Variants in SMOC2 observed in about 807,000 individuals in gnomAD.
SMOC2 encodes the protein SPARC related modular calcium binding 2.
Under a neutral mutation model 61.4 loss-of-function variants are expected in SMOC2, and 39 were observed. The ratio of observed to expected loss-of-function variants is 0.64; its 90% CI spans 0.49 to 0.83. SMOC2 has a LOEUF of 0.83. Among genes scored for constraint, SMOC2 ranks in the 40% least tolerant of loss-of-function variants. The pLI is 0.00. For synonymous variants in SMOC2, 247 were observed against 239.9 expected, an observed-to-expected ratio of 1.03 and a Z score of -0.27; for missense variants, 556 against 592.9, an observed-to-expected ratio of 0.94 and a Z score of 0.65.
intron 8 of SMOC2, among the ~76,000 whole-genome samples, chr6:168,607,905 A>G (rs1000416103): frequency 1.1e-5 from 1 of 91,390 alleles, no homozygotes; most frequent in Non-Finnish European, 2.3e-5. Flanking sequence ...CAGAGACGGG[A>G]TGGAGAGACG....
At chr6:168,530,921 C>T (rs1417926451) in intron 4 of SMOC2, among the ~76,000 whole-genome samples, 1 of 152,256 alleles carries the variant, frequency 6.6e-6, no homozygotes, top group East Asian at 1.9e-4. Context: ...TGTCCATTGG[C>T]GTCTGCCTGG....
At chr6:168,660,542 G>A (rs192851685) in intron 11 of SMOC2, among the ~76,000 whole-genome samples, 121 of 152,350 alleles carry the variant, frequency 7.9e-4, no homozygotes, top group African/African-American at 2.8e-3. Flanking sequence ...CTACAGAATC[G>A]CGATGGCTTA....
chr6:168,542,158 A>G (rs528549774), intron 4 of SMOC2, among the ~76,000 whole-genome samples: 3 of 152,328 alleles, frequency 2.0e-5, no homozygotes, highest in African/African-American at 7.2e-5. Flanking sequence ...TAAACTGATG[A>G]CTGAGAAGCT....
chr6:168,522,948 A>G (rs142708816), intron 2 of SMOC2, among the ~76,000 whole-genome samples: 9 of 152,228 alleles, frequency 5.9e-5, no homozygotes, highest in Non-Finnish European at 1.2e-4. Context: ...TCTTTTGGGA[A>G]TGAGGAGAAT....
chr6:168,462,042 T>G (rs1781730564), intron 1 of SMOC2, among the ~76,000 whole-genome samples: 1 of 148,572 alleles, frequency 6.7e-6, no homozygotes, highest in Non-Finnish European at 1.5e-5. Flanking sequence ...TATTTATCAG[T>G]TTTTTTTGAG....
chr6:168,663,963 A>G (rs1787586853), intron 11 of SMOC2, 111 bp from the exon 12 acceptor site: 2 of 881,270 alleles, frequency 2.3e-6, no homozygotes, highest in Admixed American at 2.6e-5. Context: ...GAGTTTGCCA[A>G]TTGATAACAC....
At chr6:168,622,118 A>G (rs1178219318) in intron 9 of SMOC2, among the ~76,000 whole-genome samples, 1 of 152,008 alleles carries the variant, frequency 6.6e-6, no homozygotes, top group Admixed American at 6.5e-5. Flanking sequence ...GGCGCCTGCC[A>G]CCACGCCTGG....
intron 1 of SMOC2, among the ~76,000 whole-genome samples, chr6:168,503,780 T>C (rs1782795276): frequency 6.6e-6 from 1 of 151,948 alleles, no homozygotes. Context: ...CAGAGCCCAA[T>C]GTTAATGCCC....
chr6:168,458,786 C>G lies in SMOC2; in HGVS notation c.84+17332C>G, dbSNP rs562448448. Reference sequence around the variant, plus strand: ...CCAGCTCTCCTTCTAGGAACACTTTCTGCACCCTGCAGTGGTCTGAACGCC... The same window carrying G: ...CCAGCTCTCCTTCTAGGAACACTTTGTGCACCCTGCAGTGGTCTGAACGCC... On this transcript the variant is annotated intron_variant, in intron 1 of 12. Transcript: ENST00000356284. 3.3e-5 allele frequency among the ~76,000 whole-genome samples: 5 copies of G among 152,302 alleles called. No homozygotes were observed. The South Asian group carries it at 1.0e-3, about 32-fold the overall frequency.
At chr6:168,499,237 G>C (rs1782668977) in intron 1 of SMOC2, among the ~76,000 whole-genome samples, 2 of 152,222 alleles carry the variant, frequency 1.3e-5, no homozygotes, top group Admixed American at 1.3e-4. Flanking sequence ...CCCGGGAGAC[G>C]GTGCTGCATG....
chr6:168,662,918 G>A (rs1426178413), intron 11 of SMOC2, among the ~76,000 whole-genome samples: 7 of 152,202 alleles, frequency 4.6e-5, no homozygotes, highest in African/African-American at 1.4e-4. Context: ...GATGGAATAC[G>A]TCAGAAAGTA....
chr6:168,657,385 A>T (rs1787352143), intron 11 of SMOC2, among the ~76,000 whole-genome samples: 1 of 152,316 alleles, frequency 6.6e-6, no homozygotes, highest in East Asian at 1.9e-4. Flanking sequence ...GCTGGGCTAC[A>T]CTTGCTGTTA....
chr6:168,508,804 G>T (rs1782937561), intron 1 of SMOC2, among the ~76,000 whole-genome samples: 1 of 152,240 alleles, frequency 6.6e-6, no homozygotes, highest in Non-Finnish European at 1.5e-5. Flanking sequence ...ACCACGTCCA[G>T]AGGGCCACGT....
intron 7 of SMOC2, among the ~76,000 whole-genome samples, chr6:168,588,194 G>A (rs1431661444): frequency 6.6e-6 from 1 of 151,210 alleles, no homozygotes; most frequent in East Asian, 1.9e-4. Flanking sequence ...CATGATCTCG[G>A]CTCACTGTAA....
chr6:168,599,613 ACACACT>A (rs1330188604), intron 8 of SMOC2, among the ~76,000 whole-genome samples: 20 of 79,746 alleles, frequency 2.5e-4, no homozygotes, highest in African/African-American at 8.6e-4. Context: ...ACACACCCAC[ACACACT>A]CATACCACAC....
intron 1 of SMOC2, among the ~76,000 whole-genome samples, chr6:168,471,569 A>G (rs1019090226): frequency 2.0e-5 from 3 of 152,222 alleles, no homozygotes; most frequent in East Asian, 1.9e-4. Flanking sequence ...GGATATATAC[A>G]TGGAAGTTGA....
intron 7 of SMOC2, among the ~76,000 whole-genome samples, chr6:168,558,884 T>C (rs1784318370): frequency 1.3e-5 from 2 of 151,692 alleles, no homozygotes; most frequent in Non-Finnish European, 2.9e-5. Flanking sequence ...TGTGTGCGTG[T>C]GTGCGTGTGC....
At chr6:168,620,848 G>A (rs1033586612) in intron 9 of SMOC2, among the ~76,000 whole-genome samples, 1 of 152,214 alleles carries the variant, frequency 6.6e-6, no homozygotes, top group Non-Finnish European at 1.5e-5. Context: ...TGGCCCAGCT[G>A]ATAGGAGCAA....
intron 1 of SMOC2, among the ~76,000 whole-genome samples, chr6:168,507,868 C>G (rs905316881): frequency 6.6e-6 from 1 of 152,262 alleles, no homozygotes; most frequent in Non-Finnish European, 1.5e-5. Context: ...TGAAAAATAG[C>G]TCACTCTGAG....
Sources: allele counts gnomAD v4.1 joint callset (sites outside exome capture counted in the v4.1 genomes callset), GRCh38; gene constraint gnomAD v4.1.1; transcripts MANE v1.5; gene names NCBI Gene and HGNC (gene_info 2026-07-23, HGNC 2026-07-21).